The following PTX3 variants were observed in gnomAD, a reference collection of about 807,000 sequenced individuals.
PTX3 encodes the protein pentraxin 3, also known as pentraxin-related protein PTX3.
PTX3 carries 24 observed loss-of-function variants against 23.5 expected under a neutral mutation model. That is an observed-to-expected ratio of 1.02 (90% confidence interval 0.74 to 1.43). The LOEUF is 1.43. Among genes scored for constraint, PTX3 ranks in the 40% most tolerant of loss-of-function variants. The probability of loss-of-function intolerance (pLI) is 0.00; values close to 1 mark genes in which losing one functional copy is unlikely to be tolerated. For synonymous variants in PTX3, 218 were observed against 205.4 expected, an observed-to-expected ratio of 1.06 and a Z score of -0.53; for missense variants, 510 against 497.5, an observed-to-expected ratio of 1.02 and a Z score of -0.24.
At chr3:157,437,380 A>C in intron 1 of PTX3, 133 bp from the exon 2 acceptor site, 2 of 1,075,212 alleles carry the variant, frequency 1.9e-6, no homozygotes, top group South Asian at 2.8e-5. Flanking sequence ...TGTTTTTCGG[A>C]GGTGTCCTTA....
At position 157,442,859 on chromosome 3, in the gene PTX3, T is replaced by C. The variant is rs1450160831; in HGVS notation, c.1026T>C (p.Val342=). Residue 342 remains valine (V), a synonymous_variant, in exon 3 of 3, where the codon GTT becomes GTC. Transcript: ENST00000295927. ...RLTGFNIWDS[V]LSNEEIRETG... Reference sequence around the variant, plus strand: ...CAGGCTTCAATATCTGGGATAGTGTTCTTAGCAATGAAGAGATAAGAGAGA... The same window carrying C: ...CAGGCTTCAATATCTGGGATAGTGTCCTTAGCAATGAAGAGATAAGAGAGA... 3.7e-6 allele frequency: 6 copies of C among 1,614,196 alleles called. No individual in the cohort carries two copies. In the South Asian group the frequency reaches 6.6e-5, roughly 18 times the overall value.
At chr3:157,441,871 C>T (rs1346206102) in intron 2 of PTX3, among the ~76,000 whole-genome samples, 1 of 151,384 alleles carries the variant, frequency 6.6e-6, no homozygotes, top group Non-Finnish European at 1.5e-5. Context: ...CTGAAAAATG[C>T]ATGTTGGTAA....
intron 2 of PTX3, among the ~76,000 whole-genome samples, chr3:157,441,062 C>A (rs1468359870): frequency 6.6e-6 from 1 of 152,174 alleles, no homozygotes; most frequent in African/African-American, 2.4e-5. Flanking sequence ...AATGGAAGGG[C>A]CTTTTTTAGA....
At chr3:157,442,237 G>T (rs369924164) in intron 2 of PTX3, 129 bp from the exon 3 acceptor site, 11 of 861,442 alleles carry the variant, frequency 1.3e-5, no homozygotes, top group Admixed American at 3.0e-5. Context: ...TTCTTAAGTC[G>T]TAATGTAGGG....
rs1734274189 is a variant in PTX3, at chr3:157,443,182, G to A, written c.*203G>A. On this transcript the variant is annotated 3_prime_UTR_variant, in exon 3 of 3. Transcript: ENST00000295927. ...ATTGGAAAAAGCTTTTGAGGATAAT[G>A]TTACTAGACTTTATGCCATGGTGCT... 2 of 564,512 alleles carry A rather than the reference G, an allele frequency of 3.5e-6. No homozygotes were observed. The highest frequency in any genetic ancestry group is 5.9e-6 in the Non-Finnish European group (2 of 337,410). 35.0% of individuals were successfully genotyped at this position (564,512 alleles called of 1,614,324 possible).
At position 157,442,449 on chromosome 3, in the gene PTX3, T is replaced by C; in HGVS notation, c.616T>C (p.Ser206Pro). 2.5e-6 allele frequency: 4 copies of C among 1,614,136 alleles called. No homozygotes were observed. The highest frequency in any genetic ancestry group is 3.4e-6 in the Non-Finnish European group (4 of 1,180,034). ...TCCAGTGAGACCAATGAGGCTTGAGTCTTTTAGTGCCTGCATTTGGGTCAA... is the reference window on the plus strand; with the variant it reads ...TCCAGTGAGACCAATGAGGCTTGAGCCTTTTAGTGCCTGCATTTGGGTCAA... ...VHPVRPMRLE[S>P]FSACIWVKAT... Residue 206 changes from serine (S) to proline (P), a missense_variant, in exon 3 of 3, where the codon TCT (serine) becomes CCT (proline). Ser to Pro is a moderately conservative substitution (Grantham distance 74, BLOSUM62 -1). Transcript: ENST00000295927.
Position 157,442,918 on chromosome 3 carries a change from A to G in PTX3, c.1085A>G (p.Asn362Ser). The change falls in exon 3 of 3, where the codon AAT becomes AGT. Residue 362 changes from asparagine to serine, a missense_variant. Asn to Ser is a conservative substitution (Grantham distance 46, BLOSUM62 1). Coordinates refer to ENST00000295927, the MANE Select transcript of PTX3 (RefSeq NM_002852.4). ...GGAESCHIRG[N>S]IVGWGVTEIQ... The stretch of plus-strand genomic sequence containing the variant: ...GCAGAGTCTTGTCACATCCGGGGGA[A>G]TATTGTTGGGTGGGGAGTCACAGAG... The G allele has an allele frequency of 1.2e-6, 2 of 1,614,060 alleles. No individual in the cohort carries two copies. Among genetic ancestry groups the G allele is most frequent in the African/African-American group, 1.3e-5 (1 of 75,048 alleles).
rs375365577 is a variant in PTX3 at position 157,437,601 on chromosome 3, G to A, written c.219G>A (p.Leu73=). ...LENSQMRERM[L]LQATDDVLRG... is the part of the protein sequence containing the mutation. ...ACTCGCAGATGAGAGAGCGCATGCT[G>A]CTGCAAGCCACGGACGACGTCCTGC... Residue 73 remains leucine (L), a synonymous_variant, in exon 2 of 3, where the codon CTG becomes CTA. Coordinates refer to ENST00000295927, the MANE Select transcript of PTX3 (RefSeq NM_002852.4). 8 of 1,574,976 alleles carry A rather than the reference G, an allele frequency of 5.1e-6. No individual in the cohort carries two copies. The highest frequency in any genetic ancestry group is 6.9e-6 in the Non-Finnish European group (8 of 1,162,820).
chr3:157,442,902 T>G lies in PTX3; in HGVS notation c.1069T>G (p.Cys357Gly). 1 of 1,614,150 alleles carries G rather than the reference T, an allele frequency of 6.2e-7. No individual in the cohort carries two copies. The highest frequency in any genetic ancestry group is 8.5e-7 in the Non-Finnish European group (1 of 1,180,026). ...AAGAGAGACCGGAGGAGCAGAGTCT[T>G]GTCACATCCGGGGGAATATTGTTGG... ...EIRETGGAES[C>G]HIRGNIVGWG... The change falls in exon 3 of 3, where the codon TGT becomes GGT. Residue 357 changes from cysteine to glycine, a missense_variant. Transcript: ENST00000295927.
At chr3:157,437,976 G>A (rs1028058760) in intron 2 of PTX3, 62 bp downstream of exon 2, 244 of 1,499,242 alleles carry the variant, frequency 1.6e-4, no homozygotes, top group Non-Finnish European at 2.0e-4. Context: ...CGCGCGTAAC[G>A]GCAAGCCAAG....
chr3:157,442,302 C>A, intron 2 of PTX3, 64 bp from the exon 3 acceptor site: 3 of 1,347,122 alleles, frequency 2.2e-6, no homozygotes, highest in Non-Finnish European at 3.0e-6. Flanking sequence ...ATAACTAATG[C>A]CAGAATAATT....
rs964444797 is a variant in PTX3 at position 157,437,875 on chromosome 3, G to C, written c.493G>C (p.Ala165Pro). 6.7e-7 allele frequency: 1 copy of C among 1,503,280 alleles called. No individual in the cohort carries two copies. 93.1% of individuals were successfully genotyped at this position (1,503,280 alleles called of 1,614,324 possible). A position where few individuals can be genotyped will look rare whatever the true frequency, so the allele number is the denominator to read the frequency against. Reference protein sequence around the residue: ...ELRQTRADLHAVQGWAARSWL... With the variant: ...ELRQTRADLHPVQGWAARSWL... ...GCGGCAGACGCGAGCCGACCTGCAC[G>C]CGGTGCAGGGCTGGGCTGCCCGGAG... The change falls in exon 2 of 3, where the codon GCG (alanine) becomes CCG (proline). Residue 165 changes from alanine (A) to proline (P), a missense_variant. Coordinates refer to ENST00000295927, the MANE Select transcript of PTX3 (RefSeq NM_002852.4).
chr3:157,443,154 G>C lies in PTX3; in HGVS notation c.*175G>C. ...ATACTGAATAAACAGTTGAAGGAAA[G>C]ACATTGGAAAAAGCTTTTGAGGATA... On this transcript the variant is annotated 3_prime_UTR_variant, in exon 3 of 3. Transcript: ENST00000295927. 1.4e-6 allele frequency: 1 copy of C among 739,404 alleles called. No individual in the cohort carries two copies. Among genetic ancestry groups the C allele is most frequent in the East Asian group, 2.8e-5 (1 of 36,240 alleles). The allele number at this position is 739,404 out of a possible 1,614,324, so 45.8% of individuals were successfully genotyped here.
rs754873009 is a variant in PTX3, at chr3:157,442,339, ATTC to A, written c.533-21_533-19del. 19 of 1,519,924 alleles carry A rather than the reference ATTC, an allele frequency of 1.3e-5. No individual in the cohort carries two copies. In the East Asian group the frequency reaches 3.2e-4, roughly 25 times the overall value. The allele number at this position is 1,519,924 out of a possible 1,614,324, so 94.2% of individuals were successfully genotyped here. ...TGAATTAATTTATATTTTCTTTAAT[ATTC>A]TTCTTATTTTCTTGCTACTCTAGGT... is the stretch of plus-strand genomic sequence containing the variant. On this transcript the variant is annotated intron_variant, in intron 2 of 2. Coordinates refer to ENST00000295927, the MANE Select transcript of PTX3 (RefSeq NM_002852.4).
chr3:157,438,216 G>C (rs1329412983), intron 2 of PTX3, among the ~76,000 whole-genome samples: 1 of 151,926 alleles, frequency 6.6e-6, no homozygotes, highest in African/African-American at 2.4e-5. Flanking sequence ...AGACGTCTAG[G>C]GCCCCTTACA....
Position 157,437,516 on chromosome 3 carries a change from C to A in PTX3, c.134C>A (p.Thr45Lys), listed in dbSNP as rs1241223044. 6.2e-7 allele frequency: 1 copy of A among 1,604,616 alleles called. No homozygotes were observed. Among genetic ancestry groups the A allele is most frequent in the Admixed American group, 1.7e-5 (1 of 59,294 alleles). Residue 45 changes from threonine to lysine, a missense_variant, in exon 2 of 3, where the codon ACG becomes AAG. Thr to Lys is a moderately conservative substitution (Grantham distance 78, BLOSUM62 -1). Transcript: ENST00000295927. The stretch of plus-strand genomic sequence containing the variant: ...GTGTGTGTATCCCGTACTCTAGCCA[C>A]GCCGTGCGCCTGCGGTCAGGAGCAC... ...DNGLHPTEDP[T>K]PCACGQEHSE...
Position 157,442,876 on chromosome 3 carries a change from TAA to T in PTX3, c.1044_1045del (p.Ile348MetfsTer50). 6.2e-7 allele frequency: 1 copy of T among 1,614,136 alleles called. No individual in the cohort carries two copies. Among genetic ancestry groups the T allele is most frequent in the East Asian group, 2.2e-5 (1 of 44,888 alleles). The stretch of plus-strand genomic sequence containing the variant: ...GATAGTGTTCTTAGCAATGAAGAGA[TAA>T]GAGAGACCGGAGGAGCAGAGTCTTG... On this transcript the variant is annotated frameshift_variant, in exon 3 of 3. Coordinates refer to ENST00000295927, the MANE Select transcript of PTX3 (RefSeq NM_002852.4). LOFTEE classifies it high-confidence loss of function.
chr3:157,442,249 T>C (rs1354947650), intron 2 of PTX3, 117 bp from the exon 3 acceptor site: 26 of 978,572 alleles, frequency 2.7e-5, no homozygotes, highest in Non-Finnish European at 3.8e-5. Context: ...AATGTAGGGT[T>C]TCACATAGCT....
chr3:157,436,889 G>T lies in PTX3; in HGVS notation c.-45G>T, dbSNP rs1336297687. 1.9e-6 allele frequency: 3 copies of T among 1,601,464 alleles called. No individual in the cohort carries two copies. On this transcript the variant is annotated 5_prime_UTR_variant, in exon 1 of 3. Coordinates refer to ENST00000295927, the MANE Select transcript of PTX3 (RefSeq NM_002852.4). The stretch of plus-strand genomic sequence containing the variant: ...CCGCTCAAACTCAGCTCACTTGAGA[G>T]TCTCCTCCCGCCAGCTGTGGAAAGA...
Sources: allele counts gnomAD v4.1 joint callset (sites outside exome capture counted in the v4.1 genomes callset), GRCh38; gene constraint gnomAD v4.1.1; transcripts MANE v1.5; gene names NCBI Gene and HGNC (gene_info 2026-07-23, HGNC 2026-07-21).